Variants in RIMS2 observed in about 807,000 individuals in gnomAD.
RIMS2 encodes the protein regulating synaptic membrane exocytosis 2.
A neutral mutation model predicts 174.4 loss-of-function variants in RIMS2; 59 were observed. That is an observed-to-expected ratio of 0.34 (90% CI 0.27 to 0.42). The LOEUF is 0.42. Among genes scored for constraint, RIMS2 ranks in the 10% least tolerant of loss-of-function variants. The pLI, the probability that RIMS2 is intolerant of heterozygous loss-of-function variation, is 1.00. For missense variants in RIMS2, 1,620 were observed against 1,666.3 expected, an observed-to-expected ratio of 0.97 and a Z score of 0.48; for synonymous variants, 606 against 572.5, an observed-to-expected ratio of 1.06 and a Z score of -0.84.
intron 19 of RIMS2, among the ~76,000 whole-genome samples, chr8:104,228,331 CTTCACTCTTTAAGAGGTTTA>C (rs1460224464): frequency 6.6e-6 from 1 of 152,022 alleles, no homozygotes; most frequent in Non-Finnish European, 1.5e-5. Context: ...CCCGGCCTAG[CTTCACTCTTTAAGAGGTTTA>C]TTCACCCAGC....
chr8:103,761,956 A>G (rs138261927), intron 2 of RIMS2, among the ~76,000 whole-genome samples: 2 of 152,142 alleles, frequency 1.3e-5, no homozygotes, highest in African/African-American at 4.8e-5. Context: ...CCCTGTTTAG[A>G]AGAAAATCAT....
chr8:103,593,492 T>C (rs2094352097), intron 1 of RIMS2, among the ~76,000 whole-genome samples: 1 of 151,472 alleles, frequency 6.6e-6, no homozygotes, highest in Admixed American at 6.6e-5. Flanking sequence ...GTATAGCATA[T>C]ACCAAAAGAT....
At chr8:104,006,868 T>C (rs996071017) in intron 17 of RIMS2, among the ~76,000 whole-genome samples, 2 of 152,174 alleles carry the variant, frequency 1.3e-5, no homozygotes, top group South Asian at 4.1e-4. Flanking sequence ...TGTTAATAGA[T>C]CATCATTTCA....
intron 3 of RIMS2, among the ~76,000 whole-genome samples, chr8:103,821,598 GAAAA>G (rs1441185505): frequency 6.6e-6 from 1 of 151,662 alleles, no homozygotes; most frequent in Admixed American, 6.6e-5. Context: ...TATGATGAGT[GAAAA>G]AATAAGTATA....
intron 10 of RIMS2, among the ~76,000 whole-genome samples, chr8:103,927,148 A>G (rs2078930893): frequency 6.6e-6 from 1 of 151,508 alleles, no homozygotes; most frequent in Admixed American, 6.6e-5. Context: ...GAAACAAGAT[A>G]TTGTCATTAA....
At chr8:104,173,790 G>A (rs556511627) in intron 19 of RIMS2, among the ~76,000 whole-genome samples, 7 of 150,224 alleles carry the variant, frequency 4.7e-5, no homozygotes, top group East Asian at 2.0e-4. Flanking sequence ...CACCATGCCT[G>A]GCTAATTTTT....
intron 19 of RIMS2, among the ~76,000 whole-genome samples, chr8:104,105,060 GT>G (rs2098016271): frequency 6.6e-6 from 1 of 152,130 alleles, no homozygotes; most frequent in East Asian, 1.9e-4. Context: ...GGTTGGTTAG[GT>G]TTTTGTAACG....
chr8:103,723,698 G>A (rs1156322197), intron 2 of RIMS2, among the ~76,000 whole-genome samples: 1 of 152,184 alleles, frequency 6.6e-6, no homozygotes, highest in African/African-American at 2.4e-5. Flanking sequence ...CCAACCTGGA[G>A]TCTGAGGCTG....
At chr8:103,570,760 A>T (rs2092745563) in intron 1 of RIMS2, among the ~76,000 whole-genome samples, 1 of 152,208 alleles carries the variant, frequency 6.6e-6, no homozygotes, top group African/African-American at 2.4e-5. Flanking sequence ...ACTAAGTACC[A>T]GTCACTAGTC....
intron 16 of RIMS2, among the ~76,000 whole-genome samples, chr8:103,987,238 A>G (rs2094426635): frequency 6.6e-6 from 1 of 151,912 alleles, no homozygotes; most frequent in Non-Finnish European, 1.5e-5. Flanking sequence ...GCAATCCTCT[A>G]GGCTCAGATA....
intron 1 of RIMS2, among the ~76,000 whole-genome samples, chr8:103,516,909 G>A (rs1829291028): frequency 6.6e-6 from 1 of 152,178 alleles, no homozygotes; most frequent in Non-Finnish European, 1.5e-5. Context: ...CCTTATACAT[G>A]TTTAAGTCTG....
At chr8:103,886,248 G>A (rs769895188) in intron 4 of RIMS2, 25 bp downstream of exon 7, 1 of 1,571,900 alleles carries the variant, frequency 6.4e-7, no homozygotes, top group Admixed American at 1.8e-5. Flanking sequence ...CATACATTTT[G>A]CTGTAATTGA....
intron 19 of RIMS2, among the ~76,000 whole-genome samples, chr8:104,134,171 A>G (rs2098498509): frequency 6.6e-6 from 1 of 152,212 alleles, no homozygotes; most frequent in Non-Finnish European, 1.5e-5. Context: ...CAGCAAATTC[A>G]AGATACTTTG....
At chr8:103,588,687 G>T (rs888202549) in intron 1 of RIMS2, among the ~76,000 whole-genome samples, 1 of 151,836 alleles carries the variant, frequency 6.6e-6, no homozygotes, top group Admixed American at 6.6e-5. Context: ...AAATGGTGCT[G>T]GAAAAACTGG....
At chr8:103,544,876 T>C (rs66873473) in intron 1 of RIMS2, among the ~76,000 whole-genome samples, 27,707 of 151,262 alleles carry the variant, frequency 0.18, 2,776 homozygotes, top group African/African-American at 0.26. Context: ...AAAGAAGATA[T>C]AAGAAAAAAA....
At chr8:104,152,730 G>C (rs2098697339) in intron 19 of RIMS2, among the ~76,000 whole-genome samples, 1 of 151,998 alleles carries the variant, frequency 6.6e-6, no homozygotes, top group Non-Finnish European at 1.5e-5. Context: ...GATGTATTGA[G>C]TAACTTGCCT....
At chr8:104,098,940 C>G (rs10107363) in intron 19 of RIMS2, among the ~76,000 whole-genome samples, 35,730 of 152,090 alleles carry the variant, frequency 0.23, 4,502 homozygotes, top group African/African-American at 0.33. Flanking sequence ...AAAATACCAG[C>G]ATTGTCATCC....
At chr8:103,917,413 AATTGT>A (rs375274188) in intron 8 of RIMS2, among the ~76,000 whole-genome samples, 48 of 152,282 alleles carry the variant, frequency 3.2e-4, no homozygotes, top group African/African-American at 1.2e-3. Flanking sequence ...TGGCACTTGA[AATTGT>A]ATTCATTTTT....
chr8:103,977,645 T>C (rs986560847), intron 16 of RIMS2, among the ~76,000 whole-genome samples: 2 of 152,136 alleles, frequency 1.3e-5, no homozygotes, highest in Admixed American at 6.5e-5. Flanking sequence ...TTTCACATTT[T>C]AAAGGGATAA....
Sources: gnomAD v4.1 joint callset for allele counts (sites outside exome capture counted in the v4.1 genomes callset) on GRCh38, gnomAD v4.1.1 for gene constraint, MANE v1.5 for transcripts, NCBI Gene and HGNC (gene_info 2026-07-23, HGNC 2026-07-21) for gene names.